The following LUZP2 variants were observed in gnomAD, a reference collection of about 807,000 sequenced individuals.
LUZP2 encodes leucine zipper protein 2.
A neutral mutation model predicts 51.6 loss-of-function variants in LUZP2; 52 were observed. The observed-to-expected ratio is 1.01, with a 90% CI of 0.81 to 1.27. The LOEUF (loss-of-function observed/expected upper bound fraction) is 1.27, where lower values mean the gene tolerates loss of function less well. LUZP2 is among the 50% of genes most tolerant of loss of function. The probability of loss-of-function intolerance (pLI) is 0.00; values close to 1 mark genes in which losing one functional copy is unlikely to be tolerated. For missense variants in LUZP2, 436 were observed against 395.4 expected, an observed-to-expected ratio of 1.10 and a Z score of -0.87; for synonymous variants, 154 against 137.3, an observed-to-expected ratio of 1.12 and a Z score of -0.85.
At chr11:25,036,665 A>G (rs1596852) in intron 9 of LUZP2, among the ~76,000 whole-genome samples, 72,788 of 151,646 alleles carry the variant, frequency 0.48, 17,768 homozygotes, top group Non-Finnish European at 0.51. Context: ...AGCAAGTTGT[A>G]TCCCAATTTT....
intron 5 of LUZP2, among the ~76,000 whole-genome samples, chr11:24,789,897 G>A (rs931492109): frequency 6.6e-6 from 1 of 152,094 alleles, no homozygotes; most frequent in Non-Finnish European, 1.5e-5. Context: ...TGACATTGTG[G>A]GGTTAGAATT....
intron 6 of LUZP2, among the ~76,000 whole-genome samples, chr11:24,913,606 A>G (rs919210993): frequency 6.6e-6 from 1 of 151,956 alleles, no homozygotes; most frequent in Non-Finnish European, 1.5e-5. Context: ...CTAATTTATA[A>G]TTCCACTCAA....
At chr11:24,604,389 C>T (rs1853841950) in intron 1 of LUZP2, among the ~76,000 whole-genome samples, 1 of 151,790 alleles carries the variant, frequency 6.6e-6, no homozygotes, top group Non-Finnish European at 1.5e-5. Flanking sequence ...AATGCAGAGT[C>T]ATTCTTTCTA....
At chr11:24,745,686 G>GT (rs1252788391) in intron 4 of LUZP2, among the ~76,000 whole-genome samples, 1 of 151,870 alleles carries the variant, frequency 6.6e-6, no homozygotes, top group Non-Finnish European at 1.5e-5. Context: ...GTTTTGTTTT[G>GT]TTTTGTTTTG....
intron 9 of LUZP2, among the ~76,000 whole-genome samples, chr11:25,032,899 A>T (rs1003006724): frequency 2.6e-5 from 4 of 152,184 alleles, no homozygotes; most frequent in Non-Finnish European, 5.9e-5. Context: ...TTTGAGAAAA[A>T]TCCAAGATTT....
chr11:24,944,460 C>T (rs1282015431), intron 7 of LUZP2, among the ~76,000 whole-genome samples: 1 of 152,072 alleles, frequency 6.6e-6, no homozygotes, highest in Non-Finnish European at 1.5e-5. Context: ...ACACATAAAA[C>T]ATACTTATAA....
At chr11:24,804,314 T>C (rs533570517) in intron 5 of LUZP2, among the ~76,000 whole-genome samples, 1 of 152,234 alleles carries the variant, frequency 6.6e-6, no homozygotes, top group African/African-American at 2.4e-5. Flanking sequence ...CCATCAAAGG[T>C]AGGAATGTTA....
intron 5 of LUZP2, among the ~76,000 whole-genome samples, chr11:24,868,975 C>A (rs1377536582): frequency 6.6e-6 from 1 of 152,140 alleles, no homozygotes; most frequent in Non-Finnish European, 1.5e-5. Flanking sequence ...AGAATATTCT[C>A]ATTGTAATGA....
chr11:24,801,218 G>A (rs1849689671), intron 5 of LUZP2, among the ~76,000 whole-genome samples: 1 of 152,086 alleles, frequency 6.6e-6, no homozygotes, highest in Non-Finnish European at 1.5e-5. Context: ...CTCAGCAGGG[G>A]TAAATTTTAA....
intron 5 of LUZP2, among the ~76,000 whole-genome samples, chr11:24,864,621 T>C (rs1851834059): frequency 6.6e-6 from 1 of 152,156 alleles, no homozygotes; most frequent in Non-Finnish European, 1.5e-5. Flanking sequence ...TCAGATACAT[T>C]AGGTGATTCT....
At chr11:24,731,188 C>T (rs1858699477) in intron 2 of LUZP2, among the ~76,000 whole-genome samples, 1 of 151,594 alleles carries the variant, frequency 6.6e-6, no homozygotes, top group South Asian at 2.1e-4. Context: ...TGATTTTCAA[C>T]ATTAGATTAA....
At chr11:24,727,350 T>C (rs1229120629) in intron 1 of LUZP2, among the ~76,000 whole-genome samples, 1 of 152,024 alleles carries the variant, frequency 6.6e-6, no homozygotes, top group Non-Finnish European at 1.5e-5. Flanking sequence ...ACTTTCTTAA[T>C]AGCATGTCCT....
intron 5 of LUZP2, among the ~76,000 whole-genome samples, chr11:24,792,296 G>A (rs964401997): frequency 6.6e-6 from 1 of 151,870 alleles, no homozygotes; most frequent in African/African-American, 2.4e-5. Context: ...GCATGGTGGT[G>A]CACACCTGTA....
At chr11:24,848,499 C>A (rs1459929926) in intron 5 of LUZP2, among the ~76,000 whole-genome samples, 1 of 152,148 alleles carries the variant, frequency 6.6e-6, no homozygotes, top group Admixed American at 6.6e-5. Context: ...TTCTTAGCTG[C>A]CAGTTTGCTA....
intron 1 of LUZP2, among the ~76,000 whole-genome samples, chr11:24,679,778 A>G (rs1389723739): frequency 6.6e-6 from 1 of 152,146 alleles, no homozygotes; most frequent in Non-Finnish European, 1.5e-5. Flanking sequence ...TACTCACCAT[A>G]ATCCTTACCT....
At chr11:24,940,439 G>A (rs1205035773) in intron 7 of LUZP2, among the ~76,000 whole-genome samples, 1 of 152,142 alleles carries the variant, frequency 6.6e-6, no homozygotes, top group Non-Finnish European at 1.5e-5. Context: ...GGAAGGTGTA[G>A]CATTTAAAAG....
At chr11:24,718,503 C>T (rs1858141862) in intron 1 of LUZP2, among the ~76,000 whole-genome samples, 1 of 152,084 alleles carries the variant, frequency 6.6e-6, no homozygotes. Flanking sequence ...TCTTATCTAG[C>T]TCGTATGGCA....
intron 9 of LUZP2, among the ~76,000 whole-genome samples, chr11:25,024,923 G>A (rs1201695245): frequency 6.7e-6 from 1 of 150,060 alleles, no homozygotes. Flanking sequence ...AACCAAAACA[G>A]CATGGTACTG....
intron 1 of LUZP2, among the ~76,000 whole-genome samples, chr11:24,630,262 G>A (rs1298861022): frequency 6.6e-6 from 1 of 151,802 alleles, no homozygotes; most frequent in East Asian, 1.9e-4. Flanking sequence ...TTAATTCTTT[G>A]CCTAGGCCAA....
Sources: gnomAD v4.1 joint callset for allele counts (sites outside exome capture counted in the v4.1 genomes callset) on GRCh38, gnomAD v4.1.1 for gene constraint, MANE v1.5 for transcripts, NCBI Gene and HGNC (gene_info 2026-07-23, HGNC 2026-07-21) for gene names.